Variants in CSPP1 observed in about 807,000 individuals in gnomAD.
CSPP1 encodes the protein centrosome and spindle pole-associated protein 1.
Under a neutral mutation model 164.4 loss-of-function variants are expected in CSPP1, and 126 were observed. The ratio of observed to expected loss-of-function variants is 0.77; its 90% confidence interval spans 0.66 to 0.89. CSPP1 has a LOEUF of 0.89. Ranked by LOEUF, CSPP1 falls within the 40% of genes least tolerant of loss-of-function variation. The pLI is 0.00. For synonymous variants in CSPP1, 472 were observed against 476.7 expected (o/e 0.99, Z 0.13); for missense variants, 1,395 against 1,449.8 (o/e 0.96, Z 0.61).
chr8:67,088,326 C>T (rs1240677257), intron 4 of CSPP1, among the ~76,000 whole-genome samples: 2 of 151,602 alleles, frequency 1.3e-5, no homozygotes, highest in African/African-American at 2.4e-5. Flanking sequence ...CTTGCTCTGT[C>T]GCCCAGGCTG....
At chr8:67,111,861 C>T (rs1038020271) in intron 9 of CSPP1, 111 bp from the exon 10 acceptor site, 2 of 543,506 alleles carry the variant, frequency 3.7e-6, no homozygotes, top group African/African-American at 3.9e-5. Flanking sequence ...GTATTTCTTG[C>T]ATATTAGTAA....
At chr8:67,182,371 G>A (rs1426354370) in intron 28 of CSPP1, among the ~76,000 whole-genome samples, 5 of 151,276 alleles carry the variant, frequency 3.3e-5, no homozygotes, top group Non-Finnish European at 7.4e-5. Context: ...ACCACGTTTT[G>A]TTTATCCAAT....
In CSPP1 at chr8:67,196,524, TTC is replaced by T. The variant is rs982531297; in HGVS notation, c.*939_*940del. 4.6e-5 allele frequency among the ~76,000 whole-genome samples: 7 copies of T among 152,324 alleles called. No individual in the cohort carries two copies. In the East Asian group the frequency reaches 1.3e-3, roughly 29 times the overall value. On this transcript the variant is annotated 3_prime_UTR_variant, in exon 31 of 31. Coordinates refer to ENST00000678616, the MANE Select transcript of CSPP1 (RefSeq NM_001382391.1). ...AGCTGAGAACATCCCCAGGCACTGC[TTC>T]TCTCTCTAATAATACTTCCTCTGAT...
chr8:67,095,385 T>C lies in CSPP1; in HGVS notation c.576T>C (p.Pro192=), dbSNP rs1402527360. 6.2e-7 allele frequency: 1 copy of C among 1,612,708 alleles called. No individual in the cohort carries two copies. Among genetic ancestry groups the C allele is most frequent in the East Asian group, 2.2e-5 (1 of 44,850 alleles). The part of the protein sequence containing the change: ...IQTSCENSEG[P]RKDVLTPSEA... ...CATCTTGTGAAAATTCAGAGGGTCCTAGAAAAGATGTCTTAACTCCTTCAG... is the reference window on the plus strand; with the variant it reads ...CATCTTGTGAAAATTCAGAGGGTCCCAGAAAAGATGTCTTAACTCCTTCAG... Residue 192 remains proline (P), a synonymous_variant, in exon 7 of 31, where the codon CCT becomes CCC. Coordinates refer to ENST00000678616, the MANE Select transcript of CSPP1 (RefSeq NM_001382391.1).
At chr8:67,090,710 T>G (rs1012942173) in intron 4 of CSPP1, among the ~76,000 whole-genome samples, 1 of 152,272 alleles carries the variant, frequency 6.6e-6, no homozygotes, top group African/African-American at 2.4e-5. Flanking sequence ...CTGTTTCTGC[T>G]ACTGAATTGT....
At position 67,082,927 on chromosome 8, in the gene CSPP1, C is replaced by T. The variant is rs113170745; in HGVS notation, c.200-3080C>T. On this transcript the variant is annotated intron_variant, in intron 3 of 30. Transcript: ENST00000678616. ...AACAGGCACAATAAGTAAGCCTCAC[C>T]GTGTTCCTTAGCTCATTAAGTCAAT... Among the ~76,000 whole-genome samples, 303 of 152,238 alleles carry T rather than the reference C, an allele frequency of 2.0e-3. 3 individuals are homozygous for T. The East Asian group carries it at 0.033, about 17-fold the overall frequency.
chr8:67,172,774 A>T, intron 25 of CSPP1: 2 of 464,560 alleles, frequency 4.3e-6, no homozygotes, highest in South Asian at 7.4e-5. Flanking sequence ...TGGAGAGCAT[A>T]CAGTGTTAAA....
chr8:67,103,162 C>T (rs772370514), intron 8 of CSPP1, 27 bp downstream of exon 8: 1 of 1,348,286 alleles, frequency 7.4e-7, no homozygotes, highest in Non-Finnish European at 1.1e-6. Context: ...AAATTCTCTG[C>T]TTTAGTCATT....
intron 17 of CSPP1, among the ~76,000 whole-genome samples, chr8:67,145,828 T>C (rs1325683478): frequency 6.6e-6 from 1 of 152,008 alleles, no homozygotes; most frequent in Non-Finnish European, 1.5e-5. Context: ...CAGCCCCCTT[T>C]TCTAATTTTT....
chr8:67,140,990 GA>G (rs1481732154), intron 17 of CSPP1, among the ~76,000 whole-genome samples: 1 of 152,160 alleles, frequency 6.6e-6, no homozygotes, highest in Admixed American at 6.5e-5. Flanking sequence ...ATGCTCAGAA[GA>G]AGGACATGGG....
At chr8:67,193,812 T>A (rs1306543658) in intron 30 of CSPP1, among the ~76,000 whole-genome samples, 2 of 152,232 alleles carry the variant, frequency 1.3e-5, no homozygotes, top group Admixed American at 1.3e-4. Context: ...GGTGCCCATT[T>A]TAGAGTGGAG....
At chr8:67,157,895 GT>G (rs1826974548) in intron 19 of CSPP1, 1 of 152,088 alleles carries the variant, frequency 6.6e-6, no homozygotes, top group Non-Finnish European at 1.5e-5. Context: ...CCACCTAATA[GT>G]TTTAGTTCTT....
intron 25 of CSPP1, chr8:67,172,849 GGACA>G (rs1210926999): frequency 1.4e-5 from 3 of 215,816 alleles, no homozygotes; most frequent in African/African-American, 6.8e-5. Flanking sequence ...AATGGAGGAT[GGACA>G]GACAAAGATG....
chr8:67,159,514 T>A (rs868207948), intron 21 of CSPP1, among the ~76,000 whole-genome samples: 6 of 122,492 alleles, frequency 4.9e-5, no homozygotes, highest in South Asian at 6.1e-4. Context: ...GTATTCTTTT[T>A]TTTTTTTTTT....
At chr8:67,148,180 A>G (rs1490573683) in intron 17 of CSPP1, among the ~76,000 whole-genome samples, 2 of 152,172 alleles carry the variant, frequency 1.3e-5, no homozygotes, top group Non-Finnish European at 2.9e-5. Flanking sequence ...TGGCCTCCCA[A>G]AGTGCTGGGA....
At chr8:67,095,049 G>T (rs1241797718) in intron 6 of CSPP1, among the ~76,000 whole-genome samples, 1 of 152,086 alleles carries the variant, frequency 6.6e-6, no homozygotes, top group Non-Finnish European at 1.5e-5. Flanking sequence ...TCCATTGCAT[G>T]GCTGTATCAG....
intron 17 of CSPP1, among the ~76,000 whole-genome samples, chr8:67,138,388 C>A (rs1321245609): frequency 2.0e-5 from 3 of 152,088 alleles, no homozygotes; most frequent in Non-Finnish European, 4.4e-5. Context: ...AGTGAAAATG[C>A]TATGTAAATA....
chr8:67,175,961 G>T (rs1831521182), intron 26 of CSPP1, among the ~76,000 whole-genome samples: 1 of 152,150 alleles, frequency 6.6e-6, no homozygotes, highest in African/African-American at 2.4e-5. Context: ...ATATCCAGGG[G>T]ATATGGTGAT....
At chr8:67,152,082 ATC>A (rs1440672946) in intron 18 of CSPP1, among the ~76,000 whole-genome samples, 3 of 134,776 alleles carry the variant, frequency 2.2e-5, no homozygotes, top group East Asian at 2.0e-4. Flanking sequence ...GTGAGACTCC[ATC>A]TCAAAAAAAA....
Sources: allele counts gnomAD v4.1 joint callset (sites outside exome capture counted in the v4.1 genomes callset), GRCh38; gene constraint gnomAD v4.1.1; transcripts MANE v1.5; gene names NCBI Gene and HGNC (gene_info 2026-07-23, HGNC 2026-07-21).